The following CTNND2 variants were observed in gnomAD, a reference collection of about 807,000 sequenced individuals.
CTNND2 encodes the protein catenin delta 2.
A neutral mutation model predicts 144.4 loss-of-function variants in CTNND2; 22 were observed. The observed-to-expected ratio is 0.15, with a 90% CI of 0.11 to 0.22. CTNND2 has a LOEUF of 0.22. Ranked by LOEUF, CTNND2 falls within the 10% of genes least tolerant of loss-of-function variation. CTNND2 has a pLI of 1.00. For missense variants in CTNND2, 1,353 were observed against 1,618.8 expected (o/e 0.84, Z 2.82); for synonymous variants, 751 against 695.6 (o/e 1.08, Z -1.25).
At chr5:11,334,315 AATAT>A (rs1489542810) in intron 9 of CTNND2, among the ~76,000 whole-genome samples, 3 of 152,162 alleles carry the variant, frequency 2.0e-5, no homozygotes, top group Admixed American at 2.0e-4. Flanking sequence ...GTAACCCATA[AATAT>A]ATACAACTAT....
chr5:11,136,074 C>T (rs1405502232), intron 12 of CTNND2, among the ~76,000 whole-genome samples: 2 of 152,186 alleles, frequency 1.3e-5, no homozygotes, highest in Non-Finnish European at 2.9e-5. Flanking sequence ...CTGTTAGCCT[C>T]TTCCACCATC....
chr5:11,791,617 G>A (rs955612677), intron 1 of CTNND2, among the ~76,000 whole-genome samples: 5 of 152,162 alleles, frequency 3.3e-5, no homozygotes, highest in African/African-American at 4.8e-5. Flanking sequence ...TTTGGCAAAC[G>A]TTGCCATAGA....
intron 1 of CTNND2, among the ~76,000 whole-genome samples, chr5:11,799,341 C>T (rs964668329): frequency 2.0e-5 from 3 of 152,092 alleles, no homozygotes; most frequent in African/African-American, 7.2e-5. Context: ...TTACCACCTG[C>T]TTTCTTCCTT....
At chr5:11,788,535 T>G (rs1790960462) in intron 1 of CTNND2, among the ~76,000 whole-genome samples, 1 of 152,188 alleles carries the variant, frequency 6.6e-6, no homozygotes, top group Non-Finnish European at 1.5e-5. Flanking sequence ...AAAAGTCTCC[T>G]CTGTTTCTCC....
intron 18 of CTNND2, among the ~76,000 whole-genome samples, chr5:11,008,086 T>C (rs1740673497): frequency 6.6e-6 from 1 of 152,090 alleles, no homozygotes; most frequent in South Asian, 2.1e-4. Flanking sequence ...AGCATGGAGT[T>C]AGGAGGAGCC....
chr5:11,363,143 T>G (rs1475095694), intron 8 of CTNND2, among the ~76,000 whole-genome samples: 6 of 152,260 alleles, frequency 3.9e-5, no homozygotes, highest in Admixed American at 3.3e-4. Context: ...GGCCATTGTT[T>G]GCTGATGCAG....
At chr5:11,246,325 T>C (rs10474915) in intron 9 of CTNND2, among the ~76,000 whole-genome samples, 2,352 of 152,020 alleles carry the variant, frequency 0.015, 63 homozygotes, top group African/African-American at 0.055. Context: ...GCAGATGTAA[T>C]TGAGGTAAGG....
At chr5:11,224,197 C>A (rs890248640) in intron 10 of CTNND2, among the ~76,000 whole-genome samples, 6 of 152,160 alleles carry the variant, frequency 3.9e-5, no homozygotes, top group Non-Finnish European at 8.8e-5. Context: ...TTATCTCCTC[C>A]ACTGAGGATG....
At chr5:11,622,476 G>C (rs1198581923) in intron 2 of CTNND2, among the ~76,000 whole-genome samples, 1 of 152,164 alleles carries the variant, frequency 6.6e-6, no homozygotes, top group East Asian at 1.9e-4. Flanking sequence ...GTTCTTATCA[G>C]AAATGGACAT....
chr5:11,384,839 G>A lies in CTNND2; in HGVS notation c.1003C>T (p.Pro335Ser), dbSNP rs369207379. The A allele has an allele frequency of 1.2e-6, 2 of 1,613,104 alleles. No individual in the cohort carries two copies. Among genetic ancestry groups the A allele is most frequent in the Non-Finnish European group, 1.7e-6 (2 of 1,179,706 alleles). ...GAGGAGATGGTGGACTGCACGGTGG[G>A]GGGCGAGGTCACGCGGATCGGGGAC... is the stretch of plus-strand genomic sequence containing the variant. ...GLSPIRVTSPPTVQSTISSSP... is the reference protein window; with the variant it reads ...GLSPIRVTSPSTVQSTISSSP... Residue 335 changes from proline (P) to serine (S), a missense_variant, in exon 7 of 22, where the codon CCC becomes TCC. Around this residue, in one of 4 missense-constraint regions of CTNND2, gnomAD observed 708 missense variants for 706.4 expected, o/e 1.00. Transcript: ENST00000304623. This position sits in a 1 kb window ranked among gnomAD's most constrained non-coding sequence, Gnocchi z 5.2.
At position 11,434,718 on chromosome 5, in the gene CTNND2, C is replaced by T. The variant is rs553558077; in HGVS notation, c.288-22649G>A. Among the ~76,000 whole-genome samples the T allele has an allele frequency of 2.0e-3, 310 of 152,192 alleles. 1 individual carries two copies. Among genetic ancestry groups the T allele is most frequent in the Non-Finnish European group, 3.2e-3 (220 of 68,020 alleles). On this transcript the variant is annotated intron_variant, in intron 3 of 21. Coordinates refer to ENST00000304623, the MANE Select transcript of CTNND2 (RefSeq NM_001332.4). ...GTAGAATGTAGGTAGTAGAGGGCTT[C>T]CCCTTGTCAGATTCTTTCAACTTTT...
intron 3 of CTNND2, among the ~76,000 whole-genome samples, chr5:11,542,683 C>G (rs1371202989): frequency 6.6e-6 from 1 of 152,192 alleles, no homozygotes; most frequent in African/African-American, 2.4e-5. Flanking sequence ...ATTATACACT[C>G]TTAATTCAGA....
At chr5:11,812,135 G>T (rs1262803501) in intron 1 of CTNND2, among the ~76,000 whole-genome samples, 1 of 152,104 alleles carries the variant, frequency 6.6e-6, no homozygotes, top group Non-Finnish European at 1.5e-5. Context: ...CCTTTAAAAG[G>T]AGAGAAATAA....
chr5:11,623,804 GTATGTATA>G (rs1287709842), intron 2 of CTNND2, among the ~76,000 whole-genome samples: 33 of 30,640 alleles, frequency 1.1e-3, no homozygotes, highest in Admixed American at 7.0e-3. Flanking sequence ...ATATATGTGT[GTATGTATA>G]TATATATATA....
At chr5:11,632,337 C>T (rs899213715) in intron 2 of CTNND2, among the ~76,000 whole-genome samples, 7 of 152,064 alleles carry the variant, frequency 4.6e-5, no homozygotes, top group Admixed American at 6.5e-5. Flanking sequence ...TGGGGTCCTG[C>T]GGTGAGGAGG....
At chr5:11,883,772 G>T (rs1353076043) in intron 1 of CTNND2, among the ~76,000 whole-genome samples, 3 of 152,142 alleles carry the variant, frequency 2.0e-5, no homozygotes, top group African/African-American at 4.8e-5. Flanking sequence ...TTCCACAATG[G>T]TTGAACTAAT....
intron 3 of CTNND2, among the ~76,000 whole-genome samples, chr5:11,432,129 T>TA (rs1561384439): frequency 2.0e-5 from 3 of 150,634 alleles, no homozygotes; most frequent in African/African-American, 7.3e-5. Flanking sequence ...GGCTTTTTTT[T>TA]TTTTTTTTTT....
intron 1 of CTNND2, among the ~76,000 whole-genome samples, chr5:11,841,379 C>G (rs866785210): frequency 6.6e-6 from 1 of 152,056 alleles, no homozygotes; most frequent in Non-Finnish European, 1.5e-5. Context: ...TAAGTCATTA[C>G]AGTTAAATAA....
intron 2 of CTNND2, among the ~76,000 whole-genome samples, chr5:11,699,591 G>A (rs1785324537): frequency 6.6e-6 from 1 of 152,092 alleles, no homozygotes; most frequent in Non-Finnish European, 1.5e-5. Context: ...GGGATATCAT[G>A]AATTGCAGAG....
Sources: allele counts gnomAD v4.1 joint callset (sites outside exome capture counted in the v4.1 genomes callset), GRCh38; gene constraint gnomAD v4.1.1; regional missense constraint gnomAD v4.1.1; non-coding constraint Gnocchi (gnomAD v3.1); transcripts MANE v1.5; gene names NCBI Gene and HGNC (gene_info 2026-07-23, HGNC 2026-07-21).